The following VPS13B variants were observed in gnomAD, a reference collection of about 807,000 sequenced individuals.
VPS13B encodes vacuolar protein sorting 13 homolog B.
VPS13B carries 285 observed loss-of-function variants against 426.4 expected under a neutral mutation model. The ratio of observed to expected loss-of-function variants is 0.67; its 90% CI spans 0.61 to 0.74. VPS13B has a LOEUF of 0.74. Ranked by LOEUF, VPS13B falls within the 30% of genes least tolerant of loss-of-function variation. The probability of loss-of-function intolerance (pLI) is 0.00; values close to 1 mark genes in which losing one functional copy is unlikely to be tolerated. For missense variants in VPS13B, 4,537 were observed against 4,782.6 expected, an observed-to-expected ratio of 0.95 and a Z score of 1.51; for synonymous variants, 1,676 against 1,676.4, an observed-to-expected ratio of 1.00 and a Z score of 0.01.
At chr8:99,053,312 C>T (rs1476885501) in intron 3 of VPS13B, among the ~76,000 whole-genome samples, 2 of 151,944 alleles carry the variant, frequency 1.3e-5, no homozygotes, top group South Asian at 2.1e-4. Context: ...CACAACAGTC[C>T]CCATTGTGTG....
At chr8:99,151,862 T>C (rs1038532819) in intron 14 of VPS13B, among the ~76,000 whole-genome samples, 14 of 152,144 alleles carry the variant, frequency 9.2e-5, no homozygotes, top group Non-Finnish European at 1.2e-4. Context: ...AAATTATCAT[T>C]TTAGTGTCCT....
chr8:99,329,589 G>A (rs1417467128), intron 19 of VPS13B, among the ~76,000 whole-genome samples: 2 of 151,960 alleles, frequency 1.3e-5, no homozygotes, highest in African/African-American at 2.4e-5. Context: ...CTTTTTGAGT[G>A]TAATTTCCAG....
intron 17 of VPS13B, chr8:99,234,222 T>C (rs1169925936): frequency 1.3e-6 from 1 of 775,532 alleles, no homozygotes; most frequent in Non-Finnish European, 2.4e-6. Context: ...CCCGCTTAGC[T>C]CCTCCATGGC....
At position 99,013,762 on chromosome 8, in the gene VPS13B, T is replaced by C; in HGVS notation, c.-27T>C. On this transcript the variant is annotated splice_region_variant and 5_prime_UTR_variant, in exon 2 of 62. Transcript: ENST00000357162. ...ACGTTTCTGTCTACTCCTTTCAGCT[T>C]CCGACTTCGACTCCTTACCTTAAAA... The C allele has an allele frequency of 6.2e-7, 1 of 1,613,962 alleles. No homozygotes were observed. The highest frequency in any genetic ancestry group is 8.5e-7 in the Non-Finnish European group (1 of 1,179,916).
At chr8:99,613,407 A>G (rs893103127) in intron 33 of VPS13B, among the ~76,000 whole-genome samples, 2 of 152,240 alleles carry the variant, frequency 1.3e-5, no homozygotes, top group Non-Finnish European at 2.9e-5. Context: ...TGGTTCACCT[A>G]TCAACATTCT....
chr8:99,853,306 C>A, intron 55 of VPS13B, 145 bp from the exon 56 acceptor site: 1 of 796,160 alleles, frequency 1.3e-6, no homozygotes, highest in Non-Finnish European at 2.0e-6. Flanking sequence ...ACACAATGTA[C>A]TGAAAGTTGA....
intron 3 of VPS13B, among the ~76,000 whole-genome samples, chr8:99,049,974 G>A (rs1158000879): frequency 6.6e-6 from 1 of 150,494 alleles, no homozygotes; most frequent in African/African-American, 2.4e-5. Context: ...GAGACTTTCT[G>A]GAGCATTTTG....
intron 33 of VPS13B, among the ~76,000 whole-genome samples, chr8:99,591,728 G>C (rs188990351): frequency 5.9e-5 from 9 of 152,104 alleles, no homozygotes; most frequent in Non-Finnish European, 8.8e-5. Context: ...TCAGCTGTTA[G>C]TCTGATGGGC....
At chr8:99,296,742 G>C (rs1034701209) in intron 19 of VPS13B, among the ~76,000 whole-genome samples, 1 of 152,084 alleles carries the variant, frequency 6.6e-6, no homozygotes, top group Non-Finnish European at 1.5e-5. Flanking sequence ...TTATAAAAGA[G>C]GTTGAAGGAA....
At chr8:99,587,353 G>A (rs1826358672) in intron 33 of VPS13B, among the ~76,000 whole-genome samples, 1 of 151,932 alleles carries the variant, frequency 6.6e-6, no homozygotes, top group African/African-American at 2.4e-5. Context: ...TGGGATGGCT[G>A]GGTCAAATGG....
intron 19 of VPS13B, among the ~76,000 whole-genome samples, chr8:99,314,705 C>CA (rs1354330500): frequency 6.6e-6 from 1 of 150,564 alleles, no homozygotes; most frequent in East Asian, 2.0e-4. Flanking sequence ...CCTGCCTTGG[C>CA]CTCCGTAAGT....
intron 55 of VPS13B, among the ~76,000 whole-genome samples, chr8:99,850,572 CTT>C (rs758746771): frequency 3.3e-5 from 5 of 152,032 alleles, no homozygotes; most frequent in African/African-American, 7.2e-5. Flanking sequence ...GAAAAAATAA[CTT>C]AATATTAAAA....
intron 19 of VPS13B, among the ~76,000 whole-genome samples, chr8:99,286,061 C>T (rs192149858): frequency 1.5e-3 from 230 of 152,226 alleles, no homozygotes; most frequent in Non-Finnish European, 2.9e-3. Flanking sequence ...TAATTACTCC[C>T]TTCTAAGCAC....
At chr8:99,062,299 G>T (rs1844232021) in intron 3 of VPS13B, among the ~76,000 whole-genome samples, 1 of 152,102 alleles carries the variant, frequency 6.6e-6, no homozygotes, top group East Asian at 1.9e-4. Flanking sequence ...CTTATTTAGG[G>T]TTCTGTTTAT....
Position 99,511,339 on chromosome 8 carries a change from C to A in VPS13B, c.4460C>A (p.Ala1487Glu). Residue 1487 changes from alanine to glutamate, a missense_variant, in exon 29 of 62, where the codon GCA (alanine) becomes GAA (glutamate). Coordinates refer to ENST00000357162, the MANE Select transcript of VPS13B (RefSeq NM_152564.5). ...TATTTTCCTTTACTTAATGCCATTG[C>A]AAGTATATTTCAAGCAAAACTACCA... ...VLYFPLLNAI[A>E]SIFQAKLPKT... The A allele has an allele frequency of 6.2e-7, 1 of 1,613,920 alleles. No homozygotes were observed. Among genetic ancestry groups the A allele is most frequent in the East Asian group, 2.2e-5 (1 of 44,836 alleles).
intron 19 of VPS13B, among the ~76,000 whole-genome samples, chr8:99,314,032 G>A (rs1221706407): frequency 2.0e-5 from 3 of 152,138 alleles, no homozygotes; most frequent in Non-Finnish European, 2.9e-5. Context: ...TAGTAGTAGG[G>A]TGGGAGTGTC....
Position 99,687,446 on chromosome 8 carries a change from C to G in VPS13B, c.6047-12079C>G, listed in dbSNP as rs999067079. Among the ~76,000 whole-genome samples, 64 of 152,094 alleles carry G rather than the reference C, an allele frequency of 4.2e-4. 2 individuals are homozygous for G. Among genetic ancestry groups the G allele is most frequent in the African/African-American group, 1.4e-3 (60 of 41,386 alleles). On this transcript the variant is annotated intron_variant, in intron 35 of 61. Coordinates refer to ENST00000357162, the MANE Select transcript of VPS13B (RefSeq NM_152564.5). Reference sequence around the variant, plus strand: ...AGTTCTTGTGGCCTAGACTGCCTTTCAGGTTTATTTAGGACCCCAGAGCAC... The same window carrying G: ...AGTTCTTGTGGCCTAGACTGCCTTTGAGGTTTATTTAGGACCCCAGAGCAC...
rs1194238958 is a variant in VPS13B, at chr8:99,778,662, CTTGT to C, written c.7430-13_7430-10del. The C allele has an allele frequency of 7.5e-6, 12 of 1,607,072 alleles. No individual in the cohort carries two copies. The highest frequency in any genetic ancestry group is 4.0e-5 in the African/African-American group (3 of 74,692). On this transcript the variant is annotated splice_polypyrimidine_tract_variant and intron_variant, in intron 41 of 61. Transcript: ENST00000357162. Reference sequence around the variant, plus strand: ...TTGGCTCATCTTAATTGCTGTTTTCCTTGTTTGTTTTCTCAACAGCTGCACCACA... The same window carrying C: ...TTGGCTCATCTTAATTGCTGTTTTCCTTGTTTTCTCAACAGCTGCACCACA...
intron 8 of VPS13B, among the ~76,000 whole-genome samples, chr8:99,123,018 G>T (rs1848021359): frequency 6.6e-6 from 1 of 150,994 alleles, no homozygotes; most frequent in South Asian, 2.1e-4. Flanking sequence ...CTACTCGGGA[G>T]GCTAAGGCAG....
Sources: allele counts gnomAD v4.1 joint callset (sites outside exome capture counted in the v4.1 genomes callset), GRCh38; gene constraint gnomAD v4.1.1; transcripts MANE v1.5; gene names NCBI Gene and HGNC (gene_info 2026-07-23, HGNC 2026-07-21).